The following KIRREL3 variants were observed in gnomAD, a reference collection of about 807,000 sequenced individuals.
The protein encoded by KIRREL3 is kirre like nephrin family adhesion molecule 3.
A neutral mutation model predicts 89.7 loss-of-function variants in KIRREL3; 36 were observed. The ratio of observed to expected loss-of-function variants is 0.40; its 90% confidence interval spans 0.31 to 0.53. The LOEUF is 0.53. Ranked by LOEUF, KIRREL3 falls within the 20% of genes least tolerant of loss-of-function variation. KIRREL3 has a pLI of 0.49. For missense variants in KIRREL3, 864 were observed against 1,056.6 expected (o/e 0.82, Z 2.53); for synonymous variants, 445 against 441.4 (o/e 1.01, Z -0.10).
chr11:126,882,448 T>G (rs1945539419), intron 1 of KIRREL3, among the ~76,000 whole-genome samples: 1 of 152,160 alleles, frequency 6.6e-6, no homozygotes, highest in Non-Finnish European at 1.5e-5. Flanking sequence ...TATTTGCATT[T>G]TGCTGTTACA....
chr11:126,549,701 T>A (rs1019114774), intron 2 of KIRREL3: 1 of 152,152 alleles, frequency 6.6e-6, no homozygotes, highest in East Asian at 1.9e-4. Context: ...GCCTCCCCGG[T>A]GCAGTTGACA....
chr11:126,450,025 G>C (rs1047429290), intron 7 of KIRREL3, among the ~76,000 whole-genome samples: 2 of 152,246 alleles, frequency 1.3e-5, no homozygotes, highest in African/African-American at 4.8e-5. Flanking sequence ...AATAGGGGAG[G>C]ACAGGAGGCC....
intron 1 of KIRREL3, among the ~76,000 whole-genome samples, chr11:126,957,502 G>C (rs948399560): frequency 6.6e-6 from 1 of 152,210 alleles, no homozygotes; most frequent in African/African-American, 2.4e-5. Flanking sequence ...TGAGAGCTCA[G>C]ATCCATCCTA....
chr11:126,565,105 G>GCAGAAGATACTGGATGGATTTAGGC lies in KIRREL3; in HGVS notation c.56-2218_56-2194dup, dbSNP rs1940421053. Among the ~76,000 whole-genome samples, 6 of 152,156 alleles carry GCAGAAGATACTGGATGGATTTAGGC rather than the reference G, an allele frequency of 3.9e-5. No homozygotes were observed. Among genetic ancestry groups the GCAGAAGATACTGGATGGATTTAGGC allele is most frequent in the Admixed American group, 3.9e-4 (6 of 15,278 alleles). On this transcript the variant is annotated intron_variant, in intron 1 of 16. Transcript: ENST00000525144. This position sits in a 1 kb window ranked among gnomAD's most constrained non-coding sequence, Gnocchi z 5.4. ...GGCAGGGGAGCACTGAGTAGGGAGGGCAGAAGATACTGGATGGATTTAGGC... is the reference window on the plus strand; with the variant it reads ...GGCAGGGGAGCACTGAGTAGGGAGGGCAGAAGATACTGGATGGATTTAGGCCAGAAGATACTGGATGGATTTAGGC...
rs544913502 is a variant in KIRREL3, at chr11:126,811,376, C to T, written c.55+189079G>A. 3.5e-4 allele frequency among the ~76,000 whole-genome samples: 53 copies of T among 152,280 alleles called. No homozygotes were observed. Among genetic ancestry groups the T allele is most frequent in the Non-Finnish European group, 1.0e-4 (7 of 68,032 alleles). ...CGTGTGGTTGCTGGCCTGTAAGCTC[C>T]AAGAGGGTAGGGGGCTGTGTCTGAA... On this transcript the variant is annotated intron_variant, in intron 1 of 16. Coordinates refer to ENST00000525144, the MANE Select transcript of KIRREL3 (RefSeq NM_032531.4). This position sits in a 1 kb window ranked among gnomAD's most constrained non-coding sequence, Gnocchi z 4.3.
chr11:126,731,441 C>G (rs1051123979), intron 1 of KIRREL3, among the ~76,000 whole-genome samples: 1 of 152,228 alleles, frequency 6.6e-6, no homozygotes, highest in Non-Finnish European at 1.5e-5. Context: ...AAAGCTTTCT[C>G]TTGGCTATGC....
In KIRREL3 at chr11:126,640,209, G is replaced by A. The variant is rs1013667745; in HGVS notation, c.56-77297C>T. Among the ~76,000 whole-genome samples, 4 of 152,170 alleles carry A rather than the reference G, an allele frequency of 2.6e-5. No individual in the cohort carries two copies. Among genetic ancestry groups the A allele is most frequent in the African/African-American group, 9.7e-5 (4 of 41,444 alleles). ...TTCAGCTGGTGAGTGGTCCCCGAGAGCTTCTGTCATTTGTAGAGTGGAAAC... is the reference window on the plus strand; with the variant it reads ...TTCAGCTGGTGAGTGGTCCCCGAGAACTTCTGTCATTTGTAGAGTGGAAAC... On this transcript the variant is annotated intron_variant, in intron 1 of 16. Coordinates refer to ENST00000525144, the MANE Select transcript of KIRREL3 (RefSeq NM_032531.4). The surrounding 1 kb of genome is among the most constrained non-coding windows in gnomAD (Gnocchi z 4.9).
intron 1 of KIRREL3, among the ~76,000 whole-genome samples, chr11:126,942,579 G>A (rs1009631187): frequency 1.3e-5 from 2 of 152,212 alleles, no homozygotes; most frequent in African/African-American, 4.8e-5. Flanking sequence ...CTCAAGCACT[G>A]TGGAGTGACA....
intron 11 of KIRREL3, among the ~76,000 whole-genome samples, chr11:126,437,616 A>T (rs1381895224): frequency 2.6e-4 from 40 of 152,194 alleles, no homozygotes; most frequent in Admixed American, 2.6e-3. Flanking sequence ...ATCACAGTAC[A>T]TGCACATCAC....
intron 4 of KIRREL3, among the ~76,000 whole-genome samples, chr11:126,511,597 G>T (rs759289483): frequency 9.9e-5 from 15 of 152,114 alleles, no homozygotes; most frequent in Non-Finnish European, 1.6e-4. Context: ...CCGAAACAGT[G>T]GGGGCTCCCT....
rs1942311948 is a variant in KIRREL3, at chr11:126,594,769, AG to A, written c.56-31858del. Among the ~76,000 whole-genome samples the A allele has an allele frequency of 6.6e-6, 1 of 152,236 alleles. No individual in the cohort carries two copies. The highest frequency in any genetic ancestry group is 2.1e-4 in the South Asian group (1 of 4,834). On this transcript the variant is annotated intron_variant, in intron 1 of 16. Transcript: ENST00000525144. The surrounding 1 kb of genome is among the most constrained non-coding windows in gnomAD (Gnocchi z 5.0). ...GCAGAGACACTGAATAGAACATAGAAGGGGTTGTTTTCCTAAAGCTCATATA... is the reference window on the plus strand; with the variant it reads ...GCAGAGACACTGAATAGAACATAGAAGGGTTGTTTTCCTAAAGCTCATATA...
intron 1 of KIRREL3, among the ~76,000 whole-genome samples, chr11:126,915,480 C>T (rs1399007178): frequency 2.0e-5 from 3 of 152,092 alleles, no homozygotes; most frequent in African/African-American, 7.2e-5. Context: ...TCATCGGGCC[C>T]AGATCTCAGA....
In KIRREL3 at chr11:127,000,480, G is replaced by T. The variant is rs748577902; in HGVS notation, c.30C>A (p.Phe10Leu). 6.2e-7 allele frequency: 1 copy of T among 1,608,504 alleles called. No individual in the cohort carries two copies. Among genetic ancestry groups the T allele is most frequent in the Non-Finnish European group, 8.5e-7 (1 of 1,177,476 alleles). ...CTTGACTGAAGAGGAAGAAGCAGAC[G>T]AAGAGCAGATCGAGCTGGAAGGGTT... The part of the protein sequence containing the change: MKPFQLDLL[F>L]VCFFLFSQEL... Residue 10 changes from phenylalanine (F) to leucine (L), a missense_variant, in exon 1 of 17, where the codon TTC becomes TTA. Phe to Leu is a conservative substitution (Grantham distance 22, BLOSUM62 0). Coordinates refer to ENST00000525144, the MANE Select transcript of KIRREL3 (RefSeq NM_032531.4). This position sits in a 1 kb window ranked among gnomAD's most constrained non-coding sequence, Gnocchi z 7.1.
chr11:126,848,176 C>T (rs947645320), intron 1 of KIRREL3, among the ~76,000 whole-genome samples: 3 of 152,138 alleles, frequency 2.0e-5, no homozygotes, highest in Admixed American at 1.3e-4. Flanking sequence ...ACAAACCCAC[C>T]GCAGGGCTTG....
rs2135304646 is a variant in KIRREL3, at chr11:126,999,326, G to T, written c.55+1129C>A. Among the ~76,000 whole-genome samples the T allele has an allele frequency of 6.6e-6, 1 of 152,364 alleles. No homozygotes were observed. The highest frequency in any genetic ancestry group is 1.9e-4 in the East Asian group (1 of 5,176). On this transcript the variant is annotated intron_variant, in intron 1 of 16. Transcript: ENST00000525144. The surrounding 1 kb of genome is among the most constrained non-coding windows in gnomAD (Gnocchi z 5.7). ...CACAAGCACGGGTGGAAGAGCAGAA[G>T]AAGGAAGCCAGGTTTTTGCTTATAT...
In KIRREL3 at chr11:126,553,871, TGCA is replaced by T. The variant is rs2134547383; in HGVS notation, c.133+8961_133+8963del. On this transcript the variant is annotated intron_variant, in intron 2 of 16. Coordinates refer to ENST00000525144, the MANE Select transcript of KIRREL3 (RefSeq NM_032531.4). The surrounding 1 kb of genome is among the most constrained non-coding windows in gnomAD (Gnocchi z 4.7). Reference sequence around the variant, plus strand: ...TTCCATCACTATTAGGAAAACAGCATGCAATTCAGCTCATATGCAGACCTGTAT... The same window carrying T: ...TTCCATCACTATTAGGAAAACAGCATATTCAGCTCATATGCAGACCTGTAT... Among the ~76,000 whole-genome samples the T allele has an allele frequency of 6.6e-6, 1 of 152,316 alleles. No homozygotes were observed. The highest frequency in any genetic ancestry group is 6.5e-5 in the Admixed American group (1 of 15,308).
At position 126,923,246 on chromosome 11, in the gene KIRREL3, CT is replaced by C. The variant is rs55759985; in HGVS notation, c.55+77208del. 6.2e-3 allele frequency among the ~76,000 whole-genome samples: 401 copies of C among 64,214 alleles called. 74 individuals are homozygous for C. The highest frequency in any genetic ancestry group is 0.023 in the Middle Eastern group (2 of 86). 42.1% of individuals were successfully genotyped at this position (64,214 alleles called of 152,430 possible). ...TCTTCTTCTTCTTCTTCTTCTTCTT[CT>C]TCTTCTTCTTCTTCTTCTTCTCCTT... On this transcript the variant is annotated intron_variant, in intron 1 of 16. Coordinates refer to ENST00000525144, the MANE Select transcript of KIRREL3 (RefSeq NM_032531.4).
intron 1 of KIRREL3, among the ~76,000 whole-genome samples, chr11:126,794,068 A>G (rs1226165894): frequency 6.6e-6 from 1 of 152,204 alleles, no homozygotes; most frequent in African/African-American, 2.4e-5. Context: ...AACACTGAAA[A>G]TATTATAGTA....
In KIRREL3 at chr11:126,892,818, C is replaced by G. The variant is rs114893820; in HGVS notation, c.55+107637G>C. Among the ~76,000 whole-genome samples, 202 of 152,290 alleles carry G rather than the reference C, an allele frequency of 1.3e-3. No individual in the cohort carries two copies. The highest frequency in any genetic ancestry group is 4.5e-3 in the African/African-American group (186 of 41,552). On this transcript the variant is annotated intron_variant, in intron 1 of 16. Transcript: ENST00000525144. This position sits in a 1 kb window ranked among gnomAD's most constrained non-coding sequence, Gnocchi z 5.4. ...TTTCCACGGTAGTGCATACAGCCCTCGAGACCTACTCAAGAGAGGACAAAA... is the reference window on the plus strand; with the variant it reads ...TTTCCACGGTAGTGCATACAGCCCTGGAGACCTACTCAAGAGAGGACAAAA...
Sources: gnomAD v4.1 joint callset for allele counts (sites outside exome capture counted in the v4.1 genomes callset) on GRCh38, gnomAD v4.1.1 for gene constraint, Gnocchi (gnomAD v3.1) non-coding constraint, MANE v1.5 for transcripts, NCBI Gene and HGNC (gene_info 2026-07-23, HGNC 2026-07-21) for gene names.